The following PHF14 variants were observed in gnomAD, a reference collection of about 807,000 sequenced individuals.
PHF14 encodes the protein PHD finger protein 14.
Under a neutral mutation model 117.9 loss-of-function variants are expected in PHF14, and 55 were observed. The observed-to-expected ratio is 0.47, with a 90% CI of 0.38 to 0.58. The LOEUF is 0.58. Ranked by LOEUF, PHF14 falls within the 20% of genes least tolerant of loss-of-function variation. The pLI is 0.00. For missense variants in PHF14, 978 were observed against 1,122.2 expected, an observed-to-expected ratio of 0.87 and a Z score of 1.84; for synonymous variants, 409 against 368.6, an observed-to-expected ratio of 1.11 and a Z score of -1.26.
At chr7:11,084,607 C>G (rs1017639964) in intron 16 of PHF14, among the ~76,000 whole-genome samples, 3 of 151,698 alleles carry the variant, frequency 2.0e-5, no homozygotes, top group Non-Finnish European at 4.4e-5. Flanking sequence ...TCATAATTTA[C>G]TGTAATATTT....
intron 17 of PHF14, 45 bp downstream of exon 17, chr7:11,111,512 T>G (rs1325440843): frequency 1.1e-6 from 1 of 920,912 alleles, no homozygotes. Context: ...GTCCTTCCGT[T>G]TGATAGCTTT....
At chr7:11,095,269 G>C (rs1786803981) in intron 16 of PHF14, among the ~76,000 whole-genome samples, 3 of 152,072 alleles carry the variant, frequency 2.0e-5, no homozygotes, top group Admixed American at 2.0e-4. Flanking sequence ...ACATTTATAA[G>C]TGAGAAAACT....
chr7:11,145,716 T>A (rs930940280), intron 17 of PHF14, among the ~76,000 whole-genome samples: 1 of 152,120 alleles, frequency 6.6e-6, no homozygotes, highest in Non-Finnish European at 1.5e-5. Context: ...CAAGGAAATA[T>A]ACTAATGAGC....
chr7:11,017,738 G>A (rs1421615408), intron 5 of PHF14, among the ~76,000 whole-genome samples: 1 of 151,722 alleles, frequency 6.6e-6, no homozygotes, highest in East Asian at 1.9e-4. Flanking sequence ...TCTTTGCCCA[G>A]CTTGTTGTGA....
chr7:11,058,032 A>G (rs1465708600), intron 14 of PHF14, among the ~76,000 whole-genome samples: 3 of 152,222 alleles, frequency 2.0e-5, no homozygotes. Context: ...CAGGTAACGT[A>G]TCTGTGTTAC....
chr7:11,063,520 A>AGTT (rs1785311899), intron 16 of PHF14: 3 of 980,450 alleles, frequency 3.1e-6, no homozygotes, highest in Non-Finnish European at 3.6e-6. Flanking sequence ...TTGAAACAGT[A>AGTT]GTTAAAAACT....
chr7:11,023,110 T>G lies in PHF14; in HGVS notation c.1317+131T>G, dbSNP rs1000610153. On this transcript the variant is annotated intron_variant, in intron 6 of 17. Transcript: ENST00000634607. ...ATCATTCTATTTAGCACTAAATCAT[T>G]TATTATTGATAGTAGTTTTCCTAGA... 9 of 518,360 alleles carry G rather than the reference T, an allele frequency of 1.7e-5. No individual in the cohort carries two copies. In the African/African-American group the frequency reaches 1.7e-4, roughly 10 times the overall value. The allele number at this position is 518,360 out of a possible 1,614,324, so 32.1% of individuals were successfully genotyped here.
chr7:10,993,104 T>G (rs28670953), intron 4 of PHF14, among the ~76,000 whole-genome samples: 12,134 of 152,176 alleles, frequency 0.08, 1,521 homozygotes, highest in African/African-American at 0.26. Context: ...TTTTTTCTCA[T>G]TTTTATTGCA....
intron 16 of PHF14, among the ~76,000 whole-genome samples, chr7:11,075,564 G>GTTTTTTTT (rs3073111): frequency 6.4e-5 from 7 of 110,012 alleles, no homozygotes; most frequent in Non-Finnish European, 7.3e-5. Context: ...AAGGAAAGAG[G>GTTTTTTTT]TTTTTTTTTT....
chr7:11,066,172 A>G (rs1237657655), intron 16 of PHF14, among the ~76,000 whole-genome samples: 1 of 152,216 alleles, frequency 6.6e-6, no homozygotes, highest in African/African-American at 2.4e-5. Flanking sequence ...ATCCTCCCCA[A>G]CTAAATTTGT....
intron 17 of PHF14, among the ~76,000 whole-genome samples, chr7:11,113,541 T>A (rs1040273333): frequency 1.3e-5 from 2 of 152,220 alleles, no homozygotes; most frequent in Non-Finnish European, 2.9e-5. Flanking sequence ...CACAGCAGTT[T>A]ACTGTAAGGA....
In PHF14 at chr7:11,019,232, A is replaced by G. The variant is rs1025584456; in HGVS notation, c.1206-3636A>G. On this transcript the variant is annotated intron_variant, in intron 5 of 17. Coordinates refer to ENST00000634607, the MANE Select transcript of PHF14 (RefSeq NM_001007157.2). ...TGCCTTTGGCTGGTTTTGGTATCAG[A>G]GTAACACTGGCCTCATAGAATGAGT... is the stretch of plus-strand genomic sequence containing the variant. Among the ~76,000 whole-genome samples the G allele has an allele frequency of 2.0e-4, 30 of 152,292 alleles. 1 individual carries two copies. The highest frequency in any genetic ancestry group is 1.7e-3 in the South Asian group (8 of 4,830).
intron 17 of PHF14, among the ~76,000 whole-genome samples, chr7:11,114,500 T>G (rs1417831169): frequency 6.6e-6 from 1 of 152,134 alleles, no homozygotes; most frequent in Non-Finnish European, 1.5e-5. Context: ...CATAATTTTT[T>G]GTTTTAGCAC....
intron 10 of PHF14, among the ~76,000 whole-genome samples, chr7:11,037,803 G>A (rs1234748842): frequency 2.6e-5 from 4 of 152,132 alleles, no homozygotes; most frequent in Non-Finnish European, 5.9e-5. Flanking sequence ...CAGCTACACT[G>A]TGTAGTAAAA....
intron 4 of PHF14, among the ~76,000 whole-genome samples, chr7:10,995,215 C>T (rs998998281): frequency 2.0e-5 from 3 of 151,758 alleles, no homozygotes; most frequent in African/African-American, 7.3e-5. Flanking sequence ...AAAGGTTCTC[C>T]AAGTCCCCAC....
At chr7:11,036,867 T>A (rs1308821249) in intron 9 of PHF14, 118 bp from the exon 10 acceptor site, 7 of 941,326 alleles carry the variant, frequency 7.4e-6, no homozygotes, top group African/African-American at 1.7e-5. Flanking sequence ...TATTTGTAAA[T>A]ATACTTAAAA....
At position 11,158,487 on chromosome 7, in the gene PHF14, A is replaced by G. The variant is rs1489996649; in HGVS notation, c.2773-10929A>G. ...GATGTTAGCCTTGGTCCATCAGTCA[A>G]GGTAGTATTTGTCAGCTTTCTCCAC... On this transcript the variant is annotated intron_variant, in intron 17 of 17. Transcript: ENST00000634607. Among the ~76,000 whole-genome samples, 5 of 152,226 alleles carry G rather than the reference A, an allele frequency of 3.3e-5. No homozygotes were observed. The East Asian group carries it at 9.6e-4, about 29-fold the overall frequency.
At chr7:11,080,932 C>G (rs1435615763) in intron 16 of PHF14, among the ~76,000 whole-genome samples, 2 of 152,134 alleles carry the variant, frequency 1.3e-5, no homozygotes, top group Non-Finnish European at 2.9e-5. Flanking sequence ...GTTGTCATTC[C>G]TAGAGTGTTG....
intron 17 of PHF14, among the ~76,000 whole-genome samples, chr7:11,143,922 A>G (rs561743272): frequency 6.6e-6 from 1 of 152,238 alleles, no homozygotes; most frequent in South Asian, 2.1e-4. Flanking sequence ...GAAACAATCA[A>G]CAGAGTAAAG....
Sources: gnomAD v4.1 joint callset for allele counts (sites outside exome capture counted in the v4.1 genomes callset) on GRCh38, gnomAD v4.1.1 for gene constraint, MANE v1.5 for transcripts, NCBI Gene and HGNC (gene_info 2026-07-23, HGNC 2026-07-21) for gene names.